The following SLC28A2 variants were observed in gnomAD, a reference collection of about 807,000 sequenced individuals.
The protein encoded by SLC28A2 is sodium/nucleoside cotransporter 2.
Under a neutral mutation model 72.9 loss-of-function variants are expected in SLC28A2, and 69 were observed. That is an observed-to-expected ratio of 0.95 (90% CI 0.78 to 1.16). SLC28A2 has a LOEUF of 1.16. Among genes scored for constraint, SLC28A2 ranks in the 50% most tolerant of loss-of-function variants. The pLI, the probability that SLC28A2 is intolerant of heterozygous loss-of-function variation, is 0.00. For missense variants in SLC28A2, 745 were observed against 791.1 expected (o/e 0.94, Z 0.70); for synonymous variants, 296 against 294.1 (o/e 1.01, Z -0.07).
At chr15:45,268,542 A>T (rs1479442269) in intron 13 of SLC28A2, among the ~76,000 whole-genome samples, 164 bp downstream of exon 13, 1 of 152,210 alleles carries the variant, frequency 6.6e-6, no homozygotes, top group African/African-American at 2.4e-5. Context: ...GATGTGGAGA[A>T]ATAGGAACAC....
Position 45,267,569 on chromosome 15 carries a change from A to G in SLC28A2, c.1057A>G (p.Ile353Val), listed in dbSNP as rs1900380032. The change falls in exon 11 of 18, where the codon ATA (isoleucine) becomes GTA (valine). Residue 353 changes from isoleucine (I) to valine (V), a missense_variant. Ile to Val is a conservative substitution (Grantham distance 29). Transcript: ENST00000347644. ...TISGTVLGAF[I>V]AFGVDASSLI... ...TTCTGGCACTGTGCTGGGAGCCTTC[A>G]TAGCCTTTGGGGTAGGCATAGTCTG... 2 of 1,614,156 alleles carry G rather than the reference A, an allele frequency of 1.2e-6. No homozygotes were observed. The highest frequency in any genetic ancestry group is 1.7e-6 in the Non-Finnish European group (2 of 1,180,030).
At position 45,253,426 on chromosome 15, in the gene SLC28A2, T is replaced by C. The variant is rs958460986; in HGVS notation, c.82-6T>C. ...TGACTGATCCCAATGCTCTCTGTGC[T>C]TGTAGGAAAAAGAAGTAGAGCCTGA... On this transcript the variant is annotated splice_polypyrimidine_tract_variant and splice_region_variant and intron_variant, in intron 2 of 17. Transcript: ENST00000347644. 1 of 1,612,254 alleles carries C rather than the reference T, an allele frequency of 6.2e-7. No homozygotes were observed. The highest frequency in any genetic ancestry group is 8.5e-7 in the Non-Finnish European group (1 of 1,178,330).
chr15:45,262,183 G>A (rs1900183573), intron 4 of SLC28A2, 77 bp downstream of exon 4: 2 of 989,168 alleles, frequency 2.0e-6, no homozygotes, highest in South Asian at 1.4e-5. Context: ...TGATTACCAG[G>A]TGGAAGGCAT....
chr15:45,259,280 T>C (rs1490735579), intron 3 of SLC28A2, among the ~76,000 whole-genome samples: 3 of 152,234 alleles, frequency 2.0e-5, no homozygotes, highest in Non-Finnish European at 4.4e-5. Context: ...CCACAATTTA[T>C]ATATATTTTA....
At chr15:45,264,844 A>G (rs757767672) in intron 7 of SLC28A2, 76 bp downstream of exon 7, 113 of 911,890 alleles carry the variant, frequency 1.2e-4, no homozygotes, top group Non-Finnish European at 1.8e-4. Context: ...GCATGAGAAG[A>G]TTAGGCTGTA....
chr15:45,272,729 A>G lies in SLC28A2; in HGVS notation c.1804A>G (p.Ser602Gly), dbSNP rs781073043. 8 of 1,613,400 alleles carry G rather than the reference A, an allele frequency of 5.0e-6. No homozygotes were observed. In the South Asian group the frequency reaches 8.8e-5, roughly 18 times the overall value. Residue 602 changes from serine (S) to glycine (G), a missense_variant, in exon 17 of 18, where the codon AGT becomes GGT. Ser to Gly is a moderately conservative substitution (Grantham distance 56). Transcript: ENST00000347644. ...EADCVSFPNTSFTNRTYETYM... is the reference protein window; with the variant it reads ...EADCVSFPNTGFTNRTYETYM... Reference sequence around the variant, plus strand: ...TGACTGTGTCTCCTTCCCAAACACAAGTTTCACCAATAGAACCTATGAGAC... The same window carrying G: ...TGACTGTGTCTCCTTCCCAAACACAGGTTTCACCAATAGAACCTATGAGAC...
intron 16 of SLC28A2, 138 bp from the exon 17 acceptor site, chr15:45,272,535 T>C (rs754369728): frequency 1.0e-4 from 84 of 824,526 alleles, no homozygotes; most frequent in African/African-American, 1.5e-4. Flanking sequence ...TTTCAGAATA[T>C]TGATTTACCC....
intron 10 of SLC28A2, 46 bp from the exon 11 acceptor site, chr15:45,267,409 G>C: frequency 6.2e-7 from 1 of 1,610,672 alleles, no homozygotes; most frequent in Non-Finnish European, 8.5e-7. Context: ...ACTGGCATGG[G>C]GAGTTACACC....
At chr15:45,253,003 G>A (rs1285182475) in intron 1 of SLC28A2, among the ~76,000 whole-genome samples, 197 bp from the exon 2 acceptor site, 2 of 152,108 alleles carry the variant, frequency 1.3e-5, no homozygotes, top group African/African-American at 4.8e-5. Context: ...GAGGAAATAG[G>A]ATTTTATTTT....
Position 45,267,542 on chromosome 15 carries a change from A to G in SLC28A2, c.1030A>G (p.Ile344Val). 6.2e-7 allele frequency: 1 copy of G among 1,614,064 alleles called. No individual in the cohort carries two copies. Among genetic ancestry groups the G allele is most frequent in the Non-Finnish European group, 8.5e-7 (1 of 1,179,988 alleles). ...GGTGATGACTGGAGGGTTTGCCACC[A>G]TTTCTGGCACTGTGCTGGGAGCCTT... is the stretch of plus-strand genomic sequence containing the variant. ...HAVMTGGFAT[I>V]SGTVLGAFIA... The change falls in exon 11 of 18, where the codon ATT becomes GTT. Residue 344 changes from isoleucine to valine, a missense_variant. Coordinates refer to ENST00000347644, the MANE Select transcript of SLC28A2 (RefSeq NM_004212.4).
rs147789334 is a variant in SLC28A2, at chr15:45,269,465, T to C, written c.1496T>C (p.Leu499Pro). The C allele has an allele frequency of 6.2e-6, 10 of 1,614,046 alleles. No homozygotes were observed. Among genetic ancestry groups the C allele is most frequent in the Non-Finnish European group, 8.5e-6 (10 of 1,179,994 alleles). ...AATGAGTTTGTGGCTTATCAGCAAC[T>C]GTCTCAATACAAGAACAAACGTCTC... Reference protein sequence around the residue: ...FINEFVAYQQLSQYKNKRLSG... With the variant: ...FINEFVAYQQPSQYKNKRLSG... Residue 499 changes from leucine (L) to proline (P), a missense_variant, in exon 14 of 18, where the codon CTG (leucine) becomes CCG (proline). By Grantham distance (98) the Leu-to-Pro change is moderately conservative (BLOSUM62 -3). Transcript: ENST00000347644.
rs750623904 is a variant in SLC28A2, at chr15:45,270,237, G to A, written c.1609G>A (p.Ala537Thr). The change falls in exon 15 of 18, where the codon GCC (alanine) becomes ACC (threonine). Residue 537 changes from alanine to threonine, a missense_variant. By Grantham distance (58) the Ala-to-Thr change is moderately conservative. Coordinates refer to ENST00000347644, the MANE Select transcript of SLC28A2 (RefSeq NM_004212.4). ...TACAACATTTTCACTCTGTGGATTT[G>A]CCAATCTTAGTTCCATAGGAATCAC... ...IITTFSLCGFANLSSIGITLG... is the reference protein window; with the variant it reads ...IITTFSLCGFTNLSSIGITLG... The A allele has an allele frequency of 3.1e-5, 50 of 1,613,754 alleles. 2 individuals are homozygous for A. In the South Asian group the frequency reaches 4.7e-4, roughly 15 times the overall value.
rs1900591579 is a variant in SLC28A2, at chr15:45,272,128, C to T, written c.1649-167C>T. The T allele has an allele frequency of 2.5e-5, 15 of 599,182 alleles. No individual in the cohort carries two copies. The South Asian group carries it at 3.0e-4, about 12-fold the overall frequency. The allele number at this position is 599,182 out of a possible 1,614,324, so 37.1% of individuals were successfully genotyped here. On this transcript the variant is annotated intron_variant, in intron 15 of 17. Coordinates refer to ENST00000347644, the MANE Select transcript of SLC28A2 (RefSeq NM_004212.4). Reference sequence around the variant, plus strand: ...AGTGATCCCTCAGGACTAATGTATACACACACTTCTTAGGGCAACACTGGC... The same window carrying T: ...AGTGATCCCTCAGGACTAATGTATATACACACTTCTTAGGGCAACACTGGC...
chr15:45,275,107 A>C (rs1374000103), intron 17 of SLC28A2, among the ~76,000 whole-genome samples: 1 of 152,172 alleles, frequency 6.6e-6, no homozygotes, highest in African/African-American at 2.4e-5. Flanking sequence ...ATTCAATACT[A>C]AATCATTATA....
chr15:45,265,466 G>A, intron 8 of SLC28A2, 117 bp from the exon 9 acceptor site: 1 of 766,766 alleles, frequency 1.3e-6, no homozygotes, highest in Non-Finnish European at 2.4e-6. Flanking sequence ...GTTTGTGTAG[G>A]TACTGAATAC....
intron 1 of SLC28A2, 57 bp from the exon 2 acceptor site, chr15:45,253,143 A>C (rs1228585070): frequency 8.5e-7 from 1 of 1,170,828 alleles, no homozygotes; most frequent in Admixed American, 1.9e-5. Flanking sequence ...AATTCTCCCC[A>C]TCCCCACAGA....
intron 3 of SLC28A2, among the ~76,000 whole-genome samples, chr15:45,260,545 C>T (rs1458642621): frequency 2.0e-5 from 3 of 152,068 alleles, no homozygotes; most frequent in Non-Finnish European, 4.4e-5. Flanking sequence ...TCACTTGAGC[C>T]CAGGAGTTTG....
rs759810184 is a variant in SLC28A2 at position 45,267,534 on chromosome 15, T to G, written c.1022T>G (p.Phe341Cys). Residue 341 changes from phenylalanine (F) to cysteine (C), a missense_variant, in exon 11 of 18, where the codon TTT (phenylalanine) becomes TGT (cysteine). By Grantham distance (205) the Phe-to-Cys change is radical. Transcript: ENST00000347644. ...ATCCATGCGGTGATGACTGGAGGGT[T>G]TGCCACCATTTCTGGCACTGTGCTG... ...SEIHAVMTGGFATISGTVLGA... is the reference protein window; with the variant it reads ...SEIHAVMTGGCATISGTVLGA... 1.9e-6 allele frequency: 3 copies of G among 1,614,126 alleles called. No homozygotes were observed. The highest frequency in any genetic ancestry group is 2.5e-6 in the Non-Finnish European group (3 of 1,179,996).
chr15:45,259,698 G>GTACTAA (rs1302153080), intron 3 of SLC28A2, among the ~76,000 whole-genome samples: 1 of 152,150 alleles, frequency 6.6e-6, no homozygotes, highest in African/African-American at 2.4e-5. Context: ...TATGTGCTAG[G>GTACTAA]TACTAATTTA....
Sources: gnomAD v4.1 joint callset for allele counts (sites outside exome capture counted in the v4.1 genomes callset) on GRCh38, gnomAD v4.1.1 for gene constraint, MANE v1.5 for transcripts, NCBI Gene and HGNC (gene_info 2026-07-23, HGNC 2026-07-21) for gene names.